OSBPL6: variants seen among roughly 807,000 people sequenced by gnomAD.
OSBPL6 encodes oxysterol binding protein like 6, also known as oxysterol-binding protein-related protein 6.
OSBPL6 carries 49 observed loss-of-function variants against 125.8 expected under a neutral mutation model. That is an observed-to-expected ratio of 0.39 (90% CI 0.31 to 0.49). The LOEUF (loss-of-function observed/expected upper bound fraction) is 0.49. Among genes scored for constraint, OSBPL6 ranks in the 20% least tolerant of loss-of-function variants. The probability of loss-of-function intolerance (pLI) is 0.88; values close to 1 mark genes in which losing one functional copy is unlikely to be tolerated. For synonymous variants in OSBPL6, 394 were observed against 391.8 expected (o/e 1.01, Z -0.07); for missense variants, 986 against 1,135.4 (o/e 0.87, Z 1.89).
chr2:178,283,721 C>T (rs936260328), intron 1 of OSBPL6, among the ~76,000 whole-genome samples: 31 of 152,242 alleles, frequency 2.0e-4, no homozygotes, highest in Admixed American at 5.9e-4. Context: ...ATAAGAAGCA[C>T]GGTGCTAGCA....
intron 1 of OSBPL6, among the ~76,000 whole-genome samples, chr2:178,211,764 C>T (rs1051438949): frequency 6.6e-6 from 1 of 152,150 alleles, no homozygotes; most frequent in South Asian, 2.1e-4. Context: ...CAGCTCGGAG[C>T]CACATGAGCC....
chr2:178,251,360 C>CT (rs761646626), intron 1 of OSBPL6, among the ~76,000 whole-genome samples: 203 of 140,980 alleles, frequency 1.4e-3, no homozygotes, highest in Middle Eastern at 7.6e-3. Context: ...TACTATGGTT[C>CT]TTTTTTTTTT....
chr2:178,246,078 A>T (rs2091479178), intron 1 of OSBPL6, among the ~76,000 whole-genome samples: 1 of 152,160 alleles, frequency 6.6e-6, no homozygotes, highest in East Asian at 1.9e-4. Context: ...TCCTCTTGTC[A>T]GTGTTTGACC....
chr2:178,251,494 A>G (rs1017591991), intron 1 of OSBPL6, among the ~76,000 whole-genome samples: 2 of 151,950 alleles, frequency 1.3e-5, no homozygotes, highest in African/African-American at 4.8e-5. Context: ...CAGAAATAAA[A>G]TGACAAGGGG....
At chr2:178,298,695 CT>C (rs796165404) in intron 2 of OSBPL6, among the ~76,000 whole-genome samples, 12 of 141,690 alleles carry the variant, frequency 8.5e-5, no homozygotes, top group South Asian at 4.4e-4. Flanking sequence ...TTTTTAGTTG[CT>C]TTTTTTTTTG....
chr2:178,338,962 A>G (rs1299076180), intron 9 of OSBPL6, 29 bp from the exon 10 acceptor site: 1 of 1,536,394 alleles, frequency 6.5e-7, no homozygotes, highest in Non-Finnish European at 9.0e-7. Context: ...CCCAATTTTA[A>G]CGTATTTTTA....
intron 1 of OSBPL6, among the ~76,000 whole-genome samples, chr2:178,264,696 T>C (rs1484692002): frequency 6.6e-6 from 1 of 152,174 alleles, no homozygotes; most frequent in East Asian, 1.9e-4. Flanking sequence ...AGCCCTTACA[T>C]TGGGAATCAT....
At chr2:178,238,827 TG>T (rs2091167194) in intron 1 of OSBPL6, among the ~76,000 whole-genome samples, 1 of 152,196 alleles carries the variant, frequency 6.6e-6, no homozygotes. Flanking sequence ...GGGGTTCTAC[TG>T]TACATACTTT....
intron 1 of OSBPL6, among the ~76,000 whole-genome samples, chr2:178,284,558 A>C (rs1391697235): frequency 2.0e-5 from 3 of 152,216 alleles, no homozygotes; most frequent in African/African-American, 7.2e-5. Context: ...GTCTCAAAAC[A>C]AAACAAACAA....
chr2:178,254,066 G>A (rs1014020476), intron 1 of OSBPL6, among the ~76,000 whole-genome samples: 1 of 152,144 alleles, frequency 6.6e-6, no homozygotes, highest in African/African-American at 2.4e-5. Context: ...GCAGCCTGTT[G>A]ACCTGGACTT....
rs186833903 is a variant in OSBPL6, at chr2:178,288,896, C to T, written c.-156+3775C>T. ...AACTCCTGACCTCAAGTGATCCACC[C>T]GCCTTGGCCTCCTGAAGTGCTGGGA... On this transcript the variant is annotated intron_variant, in intron 2 of 24. Transcript: ENST00000190611. 2.2e-3 allele frequency among the ~76,000 whole-genome samples: 336 copies of T among 152,008 alleles called. 2 individuals are homozygous for T. The highest frequency in any genetic ancestry group is 6.6e-3 in the African/African-American group (275 of 41,464).
intron 1 of OSBPL6, among the ~76,000 whole-genome samples, chr2:178,258,142 C>T (rs2091944354): frequency 6.6e-6 from 1 of 150,614 alleles, no homozygotes; most frequent in Admixed American, 6.6e-5. Flanking sequence ...ACTCTGTCAC[C>T]CAGGCTGGAG....
intron 3 of OSBPL6, among the ~76,000 whole-genome samples, chr2:178,307,267 A>G (rs1686848685): frequency 6.6e-6 from 1 of 152,158 alleles, no homozygotes; most frequent in South Asian, 2.1e-4. Context: ...CCAAAAATGA[A>G]TTCATTTTCG....
chr2:178,237,984 G>C (rs1415006126), intron 1 of OSBPL6, among the ~76,000 whole-genome samples: 1 of 152,150 alleles, frequency 6.6e-6, no homozygotes, highest in South Asian at 2.1e-4. Flanking sequence ...TGCTCTGAGA[G>C]GTCTGCAGTG....
intron 1 of OSBPL6, among the ~76,000 whole-genome samples, chr2:178,194,952 C>T (rs1237247194): frequency 6.6e-6 from 1 of 152,182 alleles, no homozygotes; most frequent in Non-Finnish European, 1.5e-5. Flanking sequence ...CGCCCTCCCT[C>T]CCCCTCGTTG....
At chr2:178,261,681 A>G (rs1028267269) in intron 1 of OSBPL6, among the ~76,000 whole-genome samples, 1 of 152,270 alleles carries the variant, frequency 6.6e-6, no homozygotes, top group Non-Finnish European at 1.5e-5. Flanking sequence ...TCTGCAGTAC[A>G]GAAATGGCTG....
In OSBPL6 at chr2:178,361,812, T is replaced by G; in HGVS notation, c.1284T>G (p.Ser428=). The change falls in exon 13 of 25, where the codon TCT becomes TCG. Residue 428 remains serine (S), a synonymous_variant. Coordinates refer to ENST00000190611, the MANE Select transcript of OSBPL6 (RefSeq NM_032523.4). ...TQMARLRQSL[S]QALNQNAELR... Reference sequence around the variant, plus strand: ...TGGCACGGCTCCGACAGTCACTGTCTCAGGTAGGCAAAGAGTGTGTGTTTG... The same window carrying G: ...TGGCACGGCTCCGACAGTCACTGTCGCAGGTAGGCAAAGAGTGTGTGTTTG... 1 of 1,613,972 alleles carries G rather than the reference T, an allele frequency of 6.2e-7. No homozygotes were observed. The highest frequency in any genetic ancestry group is 8.5e-7 in the Non-Finnish European group (1 of 1,179,894).
At chr2:178,297,424 C>T (rs1245479771) in intron 2 of OSBPL6, among the ~76,000 whole-genome samples, 1 of 152,054 alleles carries the variant, frequency 6.6e-6, no homozygotes, top group Admixed American at 6.6e-5. Context: ...ATAGTGAGAC[C>T]ACCATCTCAA....
At chr2:178,285,160 G>A (rs183203735) in intron 2 of OSBPL6, 39 bp downstream of exon 2, 6 of 398,010 alleles carry the variant, frequency 1.5e-5, no homozygotes, top group East Asian at 1.4e-4. Context: ...CAAAAGCAGG[G>A]TTAGGTTAGG....
Sources: gnomAD v4.1 joint callset for allele counts (sites outside exome capture counted in the v4.1 genomes callset) on GRCh38, gnomAD v4.1.1 for gene constraint, MANE v1.5 for transcripts, NCBI Gene and HGNC (gene_info 2026-07-23, HGNC 2026-07-21) for gene names.